EYS: variants seen among roughly 807,000 people sequenced by gnomAD.
EYS encodes the protein EGF-like photoreceptor maintenance factor.
A neutral mutation model predicts 282.1 loss-of-function variants in EYS; 250 were observed. The ratio of observed to expected loss-of-function variants is 0.89; its 90% CI spans 0.80 to 0.98. The LOEUF (loss-of-function observed/expected upper bound fraction) is 0.98. Ranked by LOEUF, EYS falls within the 50% of genes least tolerant of loss-of-function variation. The pLI, the probability that EYS is intolerant of heterozygous loss-of-function variation, is 0.00. For synonymous variants in EYS, 1,355 were observed against 1,282.9 expected, an observed-to-expected ratio of 1.06 and a Z score of -1.20; for missense variants, 4,016 against 3,709.0, an observed-to-expected ratio of 1.08 and a Z score of -2.15.
intron 31 of EYS, among the ~76,000 whole-genome samples, chr6:64,124,512 C>A (rs541847288): frequency 6.6e-6 from 1 of 152,058 alleles, no homozygotes; most frequent in East Asian, 1.9e-4. Flanking sequence ...TTTCTACAGG[C>A]CGGAATTTTA....
chr6:63,910,015 G>A (rs1346744690), intron 35 of EYS, among the ~76,000 whole-genome samples: 8 of 152,126 alleles, frequency 5.3e-5, no homozygotes, highest in Non-Finnish European at 2.9e-5. Flanking sequence ...GTGAGCCAAG[G>A]ATGGAACCCC....
At chr6:64,051,273 G>C (rs905823869) in intron 33 of EYS, among the ~76,000 whole-genome samples, 2 of 152,136 alleles carry the variant, frequency 1.3e-5, no homozygotes, top group African/African-American at 4.8e-5. Context: ...TGCTTGCATA[G>C]AGTTTATATT....
rs568057615 is a variant in EYS, at chr6:65,266,438, G to A, written c.2023+29425C>T. Among the ~76,000 whole-genome samples the A allele has an allele frequency of 2.9e-4, 44 of 151,880 alleles. 1 individual carries two copies. The South Asian group carries it at 8.9e-3, about 31-fold the overall frequency. On this transcript the variant is annotated intron_variant, in intron 12 of 42. Transcript: ENST00000503581. The stretch of plus-strand genomic sequence containing the variant: ...ATTATTTTCTTTCACTTTGATGCAT[G>A]GCACCTAAAAGCTACTTTACAAAGA...
chr6:63,877,700 T>A (rs530935414), intron 35 of EYS, among the ~76,000 whole-genome samples: 7 of 152,316 alleles, frequency 4.6e-5, no homozygotes, highest in Admixed American at 2.0e-4. Flanking sequence ...ACTTCTCTTC[T>A]TGCTTCATTT....
At chr6:65,141,752 C>A (rs1764350702) in intron 12 of EYS, among the ~76,000 whole-genome samples, 1 of 142,562 alleles carries the variant, frequency 7.0e-6, no homozygotes, top group Non-Finnish European at 1.5e-5. Flanking sequence ...CAGCATATTT[C>A]TCATCAGAAG....
chr6:65,651,461 T>C (rs891730818), intron 1 of EYS, among the ~76,000 whole-genome samples: 2 of 152,072 alleles, frequency 1.3e-5, no homozygotes, highest in Admixed American at 1.3e-4. Flanking sequence ...TTGACTGCCA[T>C]TGTCTCTTCT....
rs148389689 is a variant in EYS at position 64,024,450 on chromosome 6, A to G, written c.6726-25267T>C. 7.9e-3 allele frequency among the ~76,000 whole-genome samples: 1,207 copies of G among 152,216 alleles called. 22 individuals carry two copies. Among genetic ancestry groups the G allele is most frequent in the African/African-American group, 0.028 (1,159 of 41,532 alleles). On this transcript the variant is annotated intron_variant, in intron 33 of 42. Coordinates refer to ENST00000503581, the MANE Select transcript of EYS (RefSeq NM_001142800.2). ...ACCAATCAGCACCCTGTCAAAACAG[A>G]CCACTCGGCTCTACCAATCAGCAGG...
intron 5 of EYS, among the ~76,000 whole-genome samples, chr6:65,458,138 G>A (rs1764695869): frequency 6.6e-6 from 1 of 152,048 alleles, no homozygotes; most frequent in African/African-American, 2.4e-5. Context: ...ATATAACTAG[G>A]TTAGTTGCAA....
intron 5 of EYS, among the ~76,000 whole-genome samples, chr6:65,468,263 T>C (rs1321860290): frequency 6.6e-6 from 1 of 152,144 alleles, no homozygotes. Context: ...ACATATAACT[T>C]ATTTTTGCTG....
At chr6:65,463,114 T>G (rs923425140) in intron 5 of EYS, among the ~76,000 whole-genome samples, 9 of 152,020 alleles carry the variant, frequency 5.9e-5, no homozygotes, top group Non-Finnish European at 8.8e-5. Flanking sequence ...ACCCCTCTGC[T>G]CAAAACTGCA....
chr6:64,737,203 T>C (rs1473802875), intron 22 of EYS, among the ~76,000 whole-genome samples: 1 of 152,234 alleles, frequency 6.6e-6, no homozygotes, highest in Non-Finnish European at 1.5e-5. Flanking sequence ...GATGTGCATC[T>C]TTAAAAATCA....
At chr6:65,439,461 T>C (rs1413203246) in intron 5 of EYS, among the ~76,000 whole-genome samples, 2 of 152,158 alleles carry the variant, frequency 1.3e-5, no homozygotes, top group South Asian at 4.1e-4. Flanking sequence ...TTTCATGATA[T>C]TGATTCGTCC....
intron 19 of EYS, among the ~76,000 whole-genome samples, chr6:64,875,791 T>C (rs893372257): frequency 6.6e-6 from 1 of 152,130 alleles, no homozygotes; most frequent in Admixed American, 6.6e-5. Flanking sequence ...TTCTATCTAT[T>C]ATATATAATT....
intron 35 of EYS, among the ~76,000 whole-genome samples, chr6:63,950,472 A>C (rs1011618513): frequency 4.0e-5 from 6 of 149,466 alleles, no homozygotes; most frequent in African/African-American, 1.2e-4. Flanking sequence ...AAACAGCCCC[A>C]CCCCTATCTC....
At chr6:65,185,361 T>C (rs1164724692) in intron 12 of EYS, among the ~76,000 whole-genome samples, 5 of 151,814 alleles carry the variant, frequency 3.3e-5, no homozygotes, top group African/African-American at 1.2e-4. Context: ...TTCAGAAATA[T>C]CTATGGCAGC....
intron 16 of EYS, among the ~76,000 whole-genome samples, chr6:64,906,939 C>T (rs1466480718): frequency 6.6e-6 from 1 of 152,150 alleles, no homozygotes; most frequent in African/African-American, 2.4e-5. Context: ...GCTAGACACA[C>T]ACATGGTAAC....
At position 65,199,299 on chromosome 6, in the gene EYS, T is replaced by C. The variant is rs543979617; in HGVS notation, c.2023+96564A>G. ...GCTTCCACTGCAAAGTCAAAACCTT[T>C]AGCCAAAACTTCAAAACAGGAGGTG... On this transcript the variant is annotated intron_variant, in intron 12 of 42. Coordinates refer to ENST00000503581, the MANE Select transcript of EYS (RefSeq NM_001142800.2). Among the ~76,000 whole-genome samples, 7 of 152,270 alleles carry C rather than the reference T, an allele frequency of 4.6e-5. No individual in the cohort carries two copies. In the South Asian group the frequency reaches 1.4e-3, roughly 32 times the overall value.
chr6:64,984,720 C>T (rs1013117909), intron 14 of EYS, among the ~76,000 whole-genome samples: 1 of 151,302 alleles, frequency 6.6e-6, no homozygotes, highest in Non-Finnish European at 1.5e-5. Context: ...CAACTGAACT[C>T]CCTCTGCCTT....
intron 26 of EYS, among the ~76,000 whole-genome samples, chr6:64,549,733 CT>C (rs10534314): frequency 0.33 from 46,185 of 140,494 alleles, 7,603 homozygotes; most frequent in African/African-American, 0.48. Flanking sequence ...CACATGAAAT[CT>C]TTTTTTTTTT....
Sources: allele counts gnomAD v4.1 joint callset (sites outside exome capture counted in the v4.1 genomes callset), GRCh38; gene constraint gnomAD v4.1.1; transcripts MANE v1.5; gene names NCBI Gene and HGNC (gene_info 2026-07-23, HGNC 2026-07-21).